ZNF365: variants seen among roughly 807,000 people sequenced by gnomAD.
ZNF365 encodes the protein zinc finger protein 365, also known as protein ZNF365.
Under a neutral mutation model 35.0 loss-of-function variants are expected in ZNF365, and 22 were observed. The ratio of observed to expected loss-of-function variants is 0.63; its 90% CI spans 0.45 to 0.90. ZNF365 has a LOEUF of 0.90. Among genes scored for constraint, ZNF365 ranks in the 40% least tolerant of loss-of-function variants. The pLI is 0.00. For synonymous variants in ZNF365, 188 were observed against 196.2 expected (o/e 0.96, Z 0.35); for missense variants, 448 against 500.3 (o/e 0.90, Z 1.00).
At chr10:62,480,134 C>G in exon 5 of ZNF365, 1 of 1,309,404 alleles carries the variant, frequency 7.6e-7, no homozygotes, top group Non-Finnish European at 9.8e-7. Context: ...GAGGGCACAG[C>G]CCACCCCTCA....
At chr10:62,381,480 G>GA (rs1467999629) in intron 2 of ZNF365, among the ~76,000 whole-genome samples, 1 of 152,080 alleles carries the variant, frequency 6.6e-6, no homozygotes, top group Non-Finnish European at 1.5e-5. Flanking sequence ...CCAGACTCCT[G>GA]AAAATGTGAT....
At chr10:62,443,745 C>T (rs1840540043) in intron 3 of ZNF365, among the ~76,000 whole-genome samples, 1 of 152,154 alleles carries the variant, frequency 6.6e-6, no homozygotes, top group Non-Finnish European at 1.5e-5. Flanking sequence ...TCAGAACCCC[C>T]ACATTGTCCT....
chr10:62,479,847 C>T (rs1379025718), intron 4 of ZNF365: 33 of 1,533,460 alleles, frequency 2.2e-5, no homozygotes, highest in Non-Finnish European at 3.0e-5. Flanking sequence ...TGCAACTCTA[C>T]TAACTTTCCT....
rs1342482405 is a variant in ZNF365 at position 62,398,760 on chromosome 10, T to C, written c.945T>C (p.Asn315=). 6.2e-7 allele frequency: 1 copy of C among 1,612,800 alleles called. No homozygotes were observed. Among genetic ancestry groups the C allele is most frequent in the Non-Finnish European group, 8.5e-7 (1 of 1,179,502 alleles). Residue 315 remains asparagine (N), a synonymous_variant, in exon 4 of 5, where the codon AAT becomes AAC. Transcript: ENST00000395254. ...TTCAGCTTACAGACATCTCCTCAAA[T>C]AGGAAGCCCAAATGCCTGTATGTAT... ...SGHVLTDISS[N]RKPKCLSRGH... is the part of the protein sequence containing the mutation.
intron 4 of ZNF365, among the ~76,000 whole-genome samples, chr10:62,463,380 C>T (rs572380065): frequency 7.3e-4 from 111 of 152,340 alleles, no homozygotes; most frequent in South Asian, 1.5e-3. Context: ...TTCTGTTCCC[C>T]TCCCCACTTA....
At chr10:62,479,827 T>A in intron 4 of ZNF365, 1 of 1,314,596 alleles carries the variant, frequency 7.6e-7, no homozygotes, top group Non-Finnish European at 1.1e-6. Flanking sequence ...TGCTGGCACC[T>A]AGATACCACT....
In ZNF365 at chr10:62,376,566, T is replaced by C; in HGVS notation, c.373T>C (p.Tyr125His). The C allele has an allele frequency of 1.2e-6, 2 of 1,613,856 alleles. No individual in the cohort carries two copies. The highest frequency in any genetic ancestry group is 1.3e-5 in the African/African-American group (1 of 74,952). ...GGTGGTGGCAGAGAGGCCTGTGTCC[T>C]ATGTGCAGACCTACACTGCCATGGA... ...FEVVAERPVSYVQTYTAMDLH... is the reference protein window; with the variant it reads ...FEVVAERPVSHVQTYTAMDLH... The change falls in exon 2 of 5, where the codon TAT becomes CAT. Residue 125 changes from tyrosine (Y) to histidine (H), a missense_variant. By Grantham distance (83) the Tyr-to-His change is moderately conservative. This residue lies in a region of ZNF365 where 362 missense variants were observed against 375.7 expected (regional missense o/e 0.96). Coordinates refer to ENST00000395254, the MANE Select transcript of ZNF365 (RefSeq NM_014951.3).
chr10:62,406,920 A>G (rs923138589), downstream of ZNF365, among the ~76,000 whole-genome samples: 11 of 152,268 alleles, frequency 7.2e-5, no homozygotes, highest in African/African-American at 2.6e-4. Flanking sequence ...CGCTGTGTAG[A>G]GATTCAGGAG....
intron 4 of ZNF365, among the ~76,000 whole-genome samples, chr10:62,473,712 C>A (rs765524874): frequency 4.6e-5 from 7 of 152,062 alleles, no homozygotes; most frequent in Non-Finnish European, 1.0e-4. Flanking sequence ...TACTATTCAC[C>A]TATAAATTGT....
intron 3 of ZNF365, among the ~76,000 whole-genome samples, chr10:62,442,695 T>C (rs967547263): frequency 6.6e-6 from 1 of 152,218 alleles, no homozygotes; most frequent in Non-Finnish European, 1.5e-5. Context: ...CCACATAGGC[T>C]ATGGTGGACT....
At chr10:62,464,629 C>A (rs189115793) in intron 4 of ZNF365, among the ~76,000 whole-genome samples, 2 of 152,336 alleles carry the variant, frequency 1.3e-5, no homozygotes, top group African/African-American at 2.4e-5. Flanking sequence ...TTTATTCCTC[C>A]TTTCTTTCAC....
Position 62,401,414 on chromosome 10 carries a change from TATC to T in ZNF365, c.*1628_*1630del. ...TGCCAGTCAATTGAAAAGTGTAACT[TATC>T]ATTATACAAACATTCTGAACCTACC... is the stretch of plus-strand genomic sequence containing the variant. On this transcript the variant is annotated 3_prime_UTR_variant, in exon 5 of 5. Transcript: ENST00000395254. 4 of 985,520 alleles carry T rather than the reference TATC, an allele frequency of 4.1e-6. No individual in the cohort carries two copies. The highest frequency in any genetic ancestry group is 4.8e-6 in the Non-Finnish European group (4 of 829,914). 61.0% of individuals were successfully genotyped at this position (985,520 alleles called of 1,614,324 possible).
At chr10:62,425,867 C>T (rs1840243370) in intron 3 of ZNF365, among the ~76,000 whole-genome samples, 1 of 152,180 alleles carries the variant, frequency 6.6e-6, no homozygotes, top group African/African-American at 2.4e-5. Flanking sequence ...ATAGCCTTCA[C>T]ACTTAGACCC....
At chr10:62,454,667 C>A (rs1840734902) in intron 3 of ZNF365, among the ~76,000 whole-genome samples, 1 of 150,854 alleles carries the variant, frequency 6.6e-6, no homozygotes, top group South Asian at 2.1e-4. Flanking sequence ...TCTAGACTTT[C>A]TAATTTTCTG....
At chr10:62,376,089 A>G in intron 1 of ZNF365, 92 bp from the exon 2 acceptor site, 1 of 1,410,930 alleles carries the variant, frequency 7.1e-7, no homozygotes, top group Non-Finnish European at 9.6e-7. Context: ...ACTTGAAACC[A>G]AAAAGCCTCT....
At chr10:62,480,109 G>T in exon 5 of ZNF365, 2 of 1,327,732 alleles carry the variant, frequency 1.5e-6, no homozygotes, top group Non-Finnish European at 2.0e-6. Flanking sequence ...TCCCTAACAA[G>T]ACTGCAGACT....
Position 62,400,098 on chromosome 10 carries a change from T to C in ZNF365, c.*309T>C. 1 of 1,093,526 alleles carries C rather than the reference T, an allele frequency of 9.1e-7. No individual in the cohort carries two copies. The highest frequency in any genetic ancestry group is 1.1e-6 in the Non-Finnish European group (1 of 897,708). 67.7% of individuals were successfully genotyped at this position (1,093,526 alleles called of 1,614,324 possible). On this transcript the variant is annotated 3_prime_UTR_variant, in exon 5 of 5. Coordinates refer to ENST00000395254, the MANE Select transcript of ZNF365 (RefSeq NM_014951.3). ...AGTAATCTTGGCATCTGGGCTTCTA[T>C]GCAGTGGTCACTAATTTTCAGGACC...
intron 2 of ZNF365, among the ~76,000 whole-genome samples, chr10:62,384,891 C>A (rs1839502054): frequency 6.6e-6 from 1 of 152,178 alleles, no homozygotes; most frequent in South Asian, 2.1e-4. Flanking sequence ...ATGTGTTTAA[C>A]CCCTTTTCTT....
At chr10:62,397,506 C>T (rs377062112) in intron 3 of ZNF365, among the ~76,000 whole-genome samples, 1 of 152,186 alleles carries the variant, frequency 6.6e-6, no homozygotes, top group African/African-American at 2.4e-5. Context: ...GTGAAAACTA[C>T]ATGAGGAAGA....
Sources: allele counts gnomAD v4.1 joint callset (sites outside exome capture counted in the v4.1 genomes callset), GRCh38; gene constraint gnomAD v4.1.1; regional missense constraint gnomAD v4.1.1; transcripts MANE v1.5; gene names NCBI Gene and HGNC (gene_info 2026-07-23, HGNC 2026-07-21).